SNRK: variants seen among roughly 807,000 people sequenced by gnomAD.
The protein encoded by SNRK is SNF-related serine/threonine-protein kinase.
In SNRK, 3 loss-of-function variants were observed where a neutral mutation model predicts 48.2. The ratio of observed to expected loss-of-function variants is 0.06; its 90% CI spans 0.03 to 0.16. The LOEUF (loss-of-function observed/expected upper bound fraction) is 0.16, where lower values mean the gene tolerates loss of function less well. Ranked by LOEUF, SNRK falls within the 10% of genes least tolerant of loss-of-function variation. The pLI, the probability that SNRK is intolerant of heterozygous loss-of-function variation, is 1.00. For missense variants in SNRK, 627 were observed against 976.0 expected, an observed-to-expected ratio of 0.64 and a Z score of 4.76; for synonymous variants, 376 against 366.1, an observed-to-expected ratio of 1.03 and a Z score of -0.31.
chr3:43,304,901 A>C (rs1189449126), intron 3 of SNRK, among the ~76,000 whole-genome samples: 3 of 152,136 alleles, frequency 2.0e-5, no homozygotes, highest in African/African-American at 7.2e-5. Context: ...ACTAGACTTC[A>C]CTGAAGTCTT....
At chr3:43,312,474 G>A (rs956721982) in intron 3 of SNRK, among the ~76,000 whole-genome samples, 1 of 152,028 alleles carries the variant, frequency 6.6e-6, no homozygotes, top group Non-Finnish European at 1.5e-5. Context: ...AGTAAACAAG[G>A]AATAGAGAGG....
chr3:43,334,063 T>C (rs1350917367), intron 4 of SNRK, among the ~76,000 whole-genome samples: 1 of 152,060 alleles, frequency 6.6e-6, no homozygotes, highest in Admixed American at 6.5e-5. Flanking sequence ...GGAGAATCAC[T>C]TGAACCCAGG....
chr3:43,309,882 G>A (rs188668228), intron 3 of SNRK, among the ~76,000 whole-genome samples: 8 of 151,964 alleles, frequency 5.3e-5, no homozygotes, highest in African/African-American at 7.2e-5. Context: ...TTTTTTGCCC[G>A]TGACACAGCC....
chr3:43,320,983 C>T (rs1226086655), intron 3 of SNRK, among the ~76,000 whole-genome samples: 5 of 150,734 alleles, frequency 3.3e-5, no homozygotes, highest in Non-Finnish European at 7.4e-5. Context: ...TTGGCTGAAA[C>T]CCATTATGTT....
At chr3:43,314,320 T>G (rs1231389289) in intron 3 of SNRK, among the ~76,000 whole-genome samples, 1 of 152,224 alleles carries the variant, frequency 6.6e-6, no homozygotes, top group African/African-American at 2.4e-5. Context: ...CATTTTAAAA[T>G]CCAGTATGCA....
rs2091296990 is a variant in SNRK at position 43,348,456 on chromosome 3, C to G, written c.2197C>G (p.Leu733Val). 1 of 1,610,758 alleles carries G rather than the reference C, an allele frequency of 6.2e-7. No homozygotes were observed. The highest frequency in any genetic ancestry group is 8.5e-7 in the Non-Finnish European group (1 of 1,178,570). Residue 733 changes from leucine to valine, a missense_variant, in exon 7 of 7, where the codon CTA becomes GTA. Leu to Val is a conservative substitution (Grantham distance 32). Transcript: ENST00000296088. ...SKNLKNNVLQ[L>V]PLCEKTISVN... ...GAACCTGAAAAATAACGTGCTGCAG[C>G]TACCTCTGTGCGAAAAGACCATCTC... is the stretch of plus-strand genomic sequence containing the variant.
chr3:43,289,543 C>T (rs749193359), intron 1 of SNRK, among the ~76,000 whole-genome samples: 3 of 152,188 alleles, frequency 2.0e-5, no homozygotes, highest in Non-Finnish European at 4.4e-5. Flanking sequence ...CGAGTGAGCA[C>T]TGGAACTGTG....
intron 3 of SNRK, among the ~76,000 whole-genome samples, chr3:43,316,226 A>T (rs999407246): frequency 1.5e-4 from 23 of 152,074 alleles, no homozygotes; most frequent in African/African-American, 5.3e-4. Flanking sequence ...CTGTGTTATA[A>T]GGCTCAGATC....
At chr3:43,314,434 T>TA (rs1393299875) in intron 3 of SNRK, among the ~76,000 whole-genome samples, 1 of 152,194 alleles carries the variant, frequency 6.6e-6, no homozygotes, top group Non-Finnish European at 1.5e-5. Flanking sequence ...GCTATTAACT[T>TA]ACTGTTTCTT....
chr3:43,297,543 G>A (rs559322150), intron 1 of SNRK, among the ~76,000 whole-genome samples: 5 of 151,682 alleles, frequency 3.3e-5, no homozygotes, highest in Non-Finnish European at 7.4e-5. Context: ...AATGTAAAGC[G>A]ATGTTATCAT....
intron 3 of SNRK, among the ~76,000 whole-genome samples, chr3:43,321,453 G>T (rs1395094874): frequency 6.6e-6 from 1 of 152,166 alleles, no homozygotes; most frequent in Non-Finnish European, 1.5e-5. Context: ...AGCAAATAAA[G>T]ACTCCTGGTA....
intron 3 of SNRK, among the ~76,000 whole-genome samples, chr3:43,307,355 T>C (rs2090945595): frequency 6.6e-6 from 1 of 152,200 alleles, no homozygotes; most frequent in South Asian, 2.1e-4. Flanking sequence ...CATTTTATTG[T>C]GCATAACTTT....
intron 3 of SNRK, among the ~76,000 whole-genome samples, chr3:43,318,452 T>C (rs976275388): frequency 2.9e-4 from 44 of 152,196 alleles, no homozygotes; most frequent in Non-Finnish European, 5.6e-4. Flanking sequence ...GTAGCTATTT[T>C]AGTACAAAAA....
Position 43,332,321 on chromosome 3 carries a change from C to G in SNRK, c.731+11C>G. 1 of 1,400,800 alleles carries G rather than the reference C, an allele frequency of 7.1e-7. No homozygotes were observed. The highest frequency in any genetic ancestry group is 9.4e-7 in the Non-Finnish European group (1 of 1,065,190). The allele number at this position is 1,400,800 out of a possible 1,614,324, so 86.8% of individuals were successfully genotyped here. ...TAAAGAGTGTAAAGAGTAAGTAAAA[C>G]AAAGTATGTGGAAACCTTAAGGACT... On this transcript the variant is annotated intron_variant, in intron 4 of 6. Transcript: ENST00000296088.
chr3:43,338,462 T>A (rs1056718815), intron 4 of SNRK, among the ~76,000 whole-genome samples: 8 of 152,250 alleles, frequency 5.3e-5, no homozygotes, highest in South Asian at 2.1e-4. Context: ...TCTTATCATC[T>A]TCTTGTCTCC....
intron 1 of SNRK, among the ~76,000 whole-genome samples, chr3:43,290,899 A>G (rs1274590611): frequency 6.6e-6 from 1 of 152,214 alleles, no homozygotes; most frequent in Non-Finnish European, 1.5e-5. Context: ...CCTGTCATTT[A>G]GTTTAGTGGG....
intron 3 of SNRK, among the ~76,000 whole-genome samples, chr3:43,306,483 C>G (rs896448782): frequency 3.3e-5 from 5 of 152,012 alleles, no homozygotes; most frequent in Non-Finnish European, 7.4e-5. Context: ...TTCAAAAGAT[C>G]AGATTTGATT....
In SNRK at chr3:43,348,466, G is replaced by A; in HGVS notation, c.2207G>A (p.Cys736Tyr). Residue 736 changes from cysteine to tyrosine, a missense_variant, in exon 7 of 7, where the codon TGC becomes TAC. Physicochemically the swap from Cys to Tyr is radical, Grantham distance 194 (BLOSUM62 -2). Coordinates refer to ENST00000296088, the MANE Select transcript of SNRK (RefSeq NM_017719.5). ...LKNNVLQLPLCEKTISVNIQR... is the reference protein window; with the variant it reads ...LKNNVLQLPLYEKTISVNIQR... Reference sequence around the variant, plus strand: ...AATAACGTGCTGCAGCTACCTCTGTGCGAAAAGACCATCTCTGTGAACATC... The same window carrying A: ...AATAACGTGCTGCAGCTACCTCTGTACGAAAAGACCATCTCTGTGAACATC... 1 of 1,608,616 alleles carries A rather than the reference G, an allele frequency of 6.2e-7. No homozygotes were observed. Among genetic ancestry groups the A allele is most frequent in the Middle Eastern group, 1.7e-4 (1 of 6,020 alleles).
Position 43,343,232 on chromosome 3 carries a change from A to G in SNRK, c.945-112A>G, listed in dbSNP as rs752463472. The G allele has an allele frequency of 2.8e-4, 380 of 1,341,194 alleles. 8 individuals are homozygous for G. The Middle Eastern group carries it at 0.025, about 87-fold the overall frequency. 83.1% of individuals were successfully genotyped at this position (1,341,194 alleles called of 1,614,324 possible). ...TGGTTTGCATTTTTTGCATAATTTT[A>G]AAGATTCCAGCCATTGAATTTAACT... On this transcript the variant is annotated intron_variant, in intron 5 of 6. Transcript: ENST00000296088.
Sources: gnomAD v4.1 joint callset for allele counts (sites outside exome capture counted in the v4.1 genomes callset) on GRCh38, gnomAD v4.1.1 for gene constraint, MANE v1.5 for transcripts, NCBI Gene and HGNC (gene_info 2026-07-23, HGNC 2026-07-21) for gene names.